TERT: variants seen among roughly 807,000 people sequenced by gnomAD.
TERT encodes the protein telomerase reverse transcriptase.
TERT carries 42 observed loss-of-function variants against 104.0 expected under a neutral mutation model. The ratio of observed to expected loss-of-function variants is 0.40; its 90% CI spans 0.32 to 0.52. The LOEUF is 0.52. Among genes scored for constraint, TERT ranks in the 20% least tolerant of loss-of-function variants. The probability of loss-of-function intolerance (pLI) is 0.43; values close to 1 mark genes in which losing one functional copy is unlikely to be tolerated. For synonymous variants in TERT, 781 were observed against 725.6 expected (o/e 1.08, Z -1.23); for missense variants, 1,101 against 1,610.3 (o/e 0.68, Z 5.41).
rs980952146 is a variant in TERT at position 1,257,090 on chromosome 5, G to A, written c.3032+1508C>T. 3.9e-5 allele frequency among the ~76,000 whole-genome samples: 6 copies of A among 152,136 alleles called. No individual in the cohort carries two copies. Among genetic ancestry groups the A allele is most frequent in the Admixed American group, 2.0e-4 (3 of 15,282 alleles). On this transcript the variant is annotated intron_variant, in intron 13 of 15. Coordinates refer to ENST00000310581, the MANE Select transcript of TERT (RefSeq NM_198253.3). This position sits in a 1 kb window ranked among gnomAD's most constrained non-coding sequence, Gnocchi z 5.6. ...CTGACTCTGTGTTTGGAAACGGCCC[G>A]TGGCCCATCGCATCTCGGCCTCCTC...
chr5:1,279,660 G>A (rs886398143), intron 4 of TERT, among the ~76,000 whole-genome samples, 190 bp from the exon 5 acceptor site: 42 of 152,146 alleles, frequency 2.8e-4, no homozygotes, highest in South Asian at 2.1e-4. Context: ...TGTTGCACAC[G>A]GGATCCTCAT....
Position 1,272,434 on chromosome 5 carries a change from C to CGGGGGCCG in TERT, c.2287-162_2287-155dup, listed in dbSNP as rs574093309. Among the ~76,000 whole-genome samples the CGGGGGCCG allele has an allele frequency of 4.9e-3, 753 of 152,184 alleles. 4 individuals are homozygous for CGGGGGCCG. Among genetic ancestry groups the CGGGGGCCG allele is most frequent in the Non-Finnish European group, 7.5e-3 (510 of 67,970 alleles). On this transcript the variant is annotated intron_variant, in intron 6 of 15. Coordinates refer to ENST00000310581, the MANE Select transcript of TERT (RefSeq NM_198253.3). ...GCCTGGGAAGCTTCTGTTTGGGAAA[C>CGGGGGCCG]GGGGGCCGGGGGGCCGAGGACGCAA...
rs35209454 is a variant in TERT at position 1,263,872 on chromosome 5, G to A, written c.2843+532C>T. Among the ~76,000 whole-genome samples the A allele has an allele frequency of 3.5e-3, 530 of 152,318 alleles. 14 individuals are homozygous for A. Among genetic ancestry groups the A allele is most frequent in the Admixed American group, 0.031 (470 of 15,298 alleles). On this transcript the variant is annotated intron_variant, in intron 11 of 15. Transcript: ENST00000310581. This position sits in a 1 kb window ranked among gnomAD's most constrained non-coding sequence, Gnocchi z 5.3. ...GAGACCCCCCCCACACCATGGCCCT[G>A]TCCCCTGATGGGTCACACGTGATCA...
In TERT at chr5:1,271,105, G is replaced by T; in HGVS notation, c.2468+14C>A. The T allele has an allele frequency of 6.2e-7, 1 of 1,610,840 alleles. No individual in the cohort carries two copies. Among genetic ancestry groups the T allele is most frequent in the Non-Finnish European group, 8.5e-7 (1 of 1,178,590 alleles). Reference sequence around the variant, plus strand: ...GCCACCCGCAGGGCAATGGCACCTGGCCACCTGACTCACTTGCCCCTGATG... The same window carrying T: ...GCCACCCGCAGGGCAATGGCACCTGTCCACCTGACTCACTTGCCCCTGATG... On this transcript the variant is annotated intron_variant, in intron 8 of 15. Transcript: ENST00000310581.
Position 1,270,020 on chromosome 5 carries a change from C to T in TERT, c.2468+1099G>A, listed in dbSNP as rs529828009. Among the ~76,000 whole-genome samples the T allele has an allele frequency of 4.5e-4, 68 of 152,220 alleles. No individual in the cohort carries two copies. Among genetic ancestry groups the T allele is most frequent in the Non-Finnish European group, 8.7e-4 (59 of 68,024 alleles). ...ACTTGATCCATCTTAATAAAATTCA[C>T]GACCACGAAGGAGGCCCGTGGTGGC... On this transcript the variant is annotated intron_variant, in intron 8 of 15. Coordinates refer to ENST00000310581, the MANE Select transcript of TERT (RefSeq NM_198253.3). This position sits in a 1 kb window ranked among gnomAD's most constrained non-coding sequence, Gnocchi z 8.3.
rs1476752082 is a variant in TERT at position 1,253,577 on chromosome 5, A to C, written c.*151T>G. 1 of 683,846 alleles carries C rather than the reference A, an allele frequency of 1.5e-6. No homozygotes were observed. The highest frequency in any genetic ancestry group is 1.8e-5 in the African/African-American group (1 of 56,832). The allele number at this position is 683,846 out of a possible 1,614,324, so 42.4% of individuals were successfully genotyped here. A position where few individuals can be genotyped will look rare whatever the true frequency, so the allele number is the denominator to read the frequency against. Reference sequence around the variant, plus strand: ...AGCCGGACACTCAGCCTTCAGCCGGACATGCAGGCCTCGGCCAAACACTCA... The same window carrying C: ...AGCCGGACACTCAGCCTTCAGCCGGCCATGCAGGCCTCGGCCAAACACTCA... On this transcript the variant is annotated 3_prime_UTR_variant, in exon 16 of 16. Coordinates refer to ENST00000310581, the MANE Select transcript of TERT (RefSeq NM_198253.3).
chr5:1,282,818 G>C (rs1579580655), intron 2 of TERT, 194 bp from the exon 3 acceptor site: 2 of 627,142 alleles, frequency 3.2e-6, no homozygotes, highest in South Asian at 3.4e-5. Flanking sequence ...GCACCATTCG[G>C]ACACGGGGAC....
intron 6 of TERT, 123 bp from the exon 7 acceptor site, chr5:1,272,403 G>T: frequency 1.1e-6 from 1 of 912,330 alleles, no homozygotes; most frequent in South Asian, 1.4e-5. Flanking sequence ...ATGAAGCCCA[G>T]AGAGCGCCTG....
chr5:1,271,927 T>C (rs1749065128), intron 7 of TERT, among the ~76,000 whole-genome samples: 1 of 152,208 alleles, frequency 6.6e-6, no homozygotes, highest in Non-Finnish European at 1.5e-5. Flanking sequence ...TAGCAAATCA[T>C]GAACAAAGGC....
At chr5:1,271,449 C>T (rs1171640747) in intron 7 of TERT, among the ~76,000 whole-genome samples, 1 of 152,118 alleles carries the variant, frequency 6.6e-6, no homozygotes, top group East Asian at 1.9e-4. Flanking sequence ...TGGGCTCACA[C>T]CCACACAGCC....
rs747157175 is a variant in TERT at position 1,280,266 on chromosome 5, G to A, written c.1842C>T (p.Pro614=). The change falls in exon 4 of 16, where the codon CCC becomes CCT. Residue 614 remains proline, a synonymous_variant. Coordinates refer to ENST00000310581, the MANE Select transcript of TERT (RefSeq NM_198253.3). ...AGCGGAGTCTGGACGTCAGCAGGGC[G>A]GGCCTGGCTTCCCGATGCTGCCTGA... The part of the protein sequence containing the change: ...AEVRQHREAR[P]ALLTSRLRFI... 28 of 1,613,624 alleles carry A rather than the reference G, an allele frequency of 1.7e-5. No individual in the cohort carries two copies. Among genetic ancestry groups the A allele is most frequent in the African/African-American group, 1.3e-4 (10 of 74,940 alleles).
rs1747810526 is a variant in TERT, at chr5:1,257,200, C to T, written c.3032+1398G>A. Among the ~76,000 whole-genome samples, 1 of 152,148 alleles carries T rather than the reference C, an allele frequency of 6.6e-6. No individual in the cohort carries two copies. The highest frequency in any genetic ancestry group is 2.1e-4 in the South Asian group (1 of 4,832). ...CCCTGCCCTGAGCCCAGGCCCTCTA[C>T]GGGAGCTCCTCGGAGCTAGAGACCC... On this transcript the variant is annotated intron_variant, in intron 13 of 15. Coordinates refer to ENST00000310581, the MANE Select transcript of TERT (RefSeq NM_198253.3). The surrounding 1 kb of genome is among the most constrained non-coding windows in gnomAD (Gnocchi z 5.6).
intron 11 of TERT, 34 bp from the exon 12 acceptor site, chr5:1,260,634 C>G: frequency 6.2e-7 from 1 of 1,612,230 alleles, no homozygotes; most frequent in African/African-American, 1.3e-5. Flanking sequence ...GACACAGGTG[C>G]CTGCCCCACA....
chr5:1,271,072 C>A (rs1303819856), intron 8 of TERT, 47 bp downstream of exon 8: 1 of 1,491,592 alleles, frequency 6.7e-7, no homozygotes, highest in Non-Finnish European at 9.3e-7. Context: ...GCCCTGCCAG[C>A]CCGCCCAGCC....
At position 1,293,873 on chromosome 5, in the gene TERT, T is replaced by C. The variant is rs1393461978; in HGVS notation, c.1013A>G (p.Lys338Arg). 3.2e-6 allele frequency: 5 copies of C among 1,544,586 alleles called. No individual in the cohort carries two copies. The highest frequency in any genetic ancestry group is 4.4e-6 in the Non-Finnish European group (5 of 1,146,946). ...TAGGAAGGAGGGCCGCAGCTGCTCC[T>C]TGTCGCCTGAGGAGTAGAGGAAGTG... ...TKHFLYSSGD[K>R]EQLRPSFLLS... The change falls in exon 2 of 16, where the codon AAG (lysine) becomes AGG (arginine). Residue 338 changes from lysine (K) to arginine (R), a missense_variant. By Grantham distance (26) the Lys-to-Arg change is conservative. This residue lies in a region of TERT where 504 missense variants were observed against 544.6 expected (regional missense o/e 0.93). Transcript: ENST00000310581.
chr5:1,276,462 C>G (rs140559516), intron 6 of TERT, among the ~76,000 whole-genome samples: 2,289 of 142,584 alleles, frequency 0.016, 67 homozygotes, highest in African/African-American at 0.056. Flanking sequence ...CCCCACCTAC[C>G]CCACACATAA....
rs992272336 is a variant in TERT at position 1,265,208 on chromosome 5, G to T, written c.2655-616C>A. Among the ~76,000 whole-genome samples, 1 of 152,120 alleles carries T rather than the reference G, an allele frequency of 6.6e-6. No homozygotes were observed. Among genetic ancestry groups the T allele is most frequent in the Non-Finnish European group, 1.5e-5 (1 of 67,992 alleles). ...TCAGGGAGCCCCCCTGTGCCCGGTAGCCTCTGCTCTGGCCTGGGCATCCCC... is the reference window on the plus strand; with the variant it reads ...TCAGGGAGCCCCCCTGTGCCCGGTATCCTCTGCTCTGGCCTGGGCATCCCC... On this transcript the variant is annotated intron_variant, in intron 10 of 15. Transcript: ENST00000310581. This position sits in a 1 kb window ranked among gnomAD's most constrained non-coding sequence, Gnocchi z 6.9.
In TERT at chr5:1,268,464, G is replaced by T; in HGVS notation, c.2582+56C>A. On this transcript the variant is annotated intron_variant, in intron 9 of 15. Transcript: ENST00000310581. This position sits in a 1 kb window ranked among gnomAD's most constrained non-coding sequence, Gnocchi z 5.5. Reference sequence around the variant, plus strand: ...AGCACCAGGAATATTAACACTGAATGCATCAAAAGCAAATCAACCCCCACC... The same window carrying T: ...AGCACCAGGAATATTAACACTGAATTCATCAAAAGCAAATCAACCCCCACC... 1 of 1,284,952 alleles carries T rather than the reference G, an allele frequency of 7.8e-7. No homozygotes were observed. Among genetic ancestry groups the T allele is most frequent in the Non-Finnish European group, 1.1e-6 (1 of 889,774 alleles). The allele number at this position is 1,284,952 out of a possible 1,614,324, so 79.6% of individuals were successfully genotyped here.
At chr5:1,264,008 G>A (rs1351442076) in intron 11 of TERT, among the ~76,000 whole-genome samples, 3 of 136,964 alleles carry the variant, frequency 2.2e-5, no homozygotes, top group Admixed American at 6.8e-5. Context: ...AGAGACTCAC[G>A]CCCAGCAGGG....
Sources: gnomAD v4.1 joint callset for allele counts (sites outside exome capture counted in the v4.1 genomes callset) on GRCh38, gnomAD v4.1.1 for gene constraint, gnomAD v4.1.1 regional missense constraint, Gnocchi (gnomAD v3.1) non-coding constraint, MANE v1.5 for transcripts, NCBI Gene and HGNC (gene_info 2026-07-23, HGNC 2026-07-21) for gene names.